The following GPM6B variants were observed in gnomAD, a reference collection of about 807,000 sequenced individuals.
The protein encoded by GPM6B is neuronal membrane glycoprotein M6-b.
GPM6B carries 4 observed loss-of-function variants against 27.2 expected under a neutral mutation model. The observed-to-expected ratio is 0.15, with a 90% CI of 0.07 to 0.34. The LOEUF is 0.34. Ranked by LOEUF, GPM6B falls within the 10% of genes least tolerant of loss-of-function variation. GPM6B has a pLI of 1.00. For missense variants in GPM6B, 183 were observed against 261.9 expected (o/e 0.70, Z 2.08); for synonymous variants, 124 against 103.1 (o/e 1.20, Z -1.23).
chrX:13,935,605 T>C (rs1011456949), intron 1 of GPM6B, among the ~76,000 whole-genome samples: 15 of 111,923 alleles, frequency 1.3e-4, no homozygotes, highest in African/African-American at 4.3e-4. Context: ...TTAAAGCAGC[T>C]TGGATATTCC....
At chrX:13,901,192 C>T (rs2050279029) in intron 1 of GPM6B, among the ~76,000 whole-genome samples, 1 of 111,737 alleles carries the variant, frequency 8.9e-6, no homozygotes, top group South Asian at 3.8e-4. Context: ...GAATTGGAAA[C>T]ATCCACTACT....
intron 1 of GPM6B, among the ~76,000 whole-genome samples, chrX:13,886,112 C>T (rs1356392712): frequency 8.9e-6 from 1 of 112,173 alleles, no homozygotes; most frequent in Non-Finnish European, 1.9e-5. Flanking sequence ...TCTACAACAC[C>T]TAAGCATAAA....
At chrX:13,841,132 T>C in intron 1 of GPM6B, among the ~76,000 whole-genome samples, 1 of 112,243 alleles carries the variant, frequency 8.9e-6, no homozygotes, top group East Asian at 2.8e-4. Context: ...ATACATAACA[T>C]ATACATATGT....
chrX:13,877,824 C>CAAAAAAAAAAAA (rs761891419), intron 1 of GPM6B, among the ~76,000 whole-genome samples: 432 of 27,462 alleles, frequency 0.016, 60 homozygotes, highest in Admixed American at 0.036. Flanking sequence ...CAGACTCTGC[C>CAAAAAAAAAAAA]AAAAAAAAAA....
chrX:13,899,123 C>T (rs1406728681), intron 1 of GPM6B, among the ~76,000 whole-genome samples: 1 of 110,525 alleles, frequency 9.0e-6, no homozygotes, highest in Non-Finnish European at 1.9e-5. Context: ...GTTAAGACTG[C>T]ATAGGGGCTG....
In GPM6B at chrX:13,797,231, T is replaced by A. The variant is rs188528295; in HGVS notation, c.181+10419A>T. Among the ~76,000 whole-genome samples, 10 of 111,427 alleles carry A rather than the reference T, an allele frequency of 9.0e-5. No individual in the cohort carries two copies. The East Asian group carries it at 2.8e-3, about 32-fold the overall frequency. ...TGCAAGTGTGCCCTCCTGGCTTTGA[T>A]CCTTGTGGGTGGGGTGAGGGGGGCG... On this transcript the variant is annotated intron_variant, in intron 2 of 7. Coordinates refer to ENST00000316715, the MANE Select transcript of GPM6B (RefSeq NM_001001995.3).
upstream of GPM6B, among the ~76,000 whole-genome samples, chrX:13,819,875 T>C (rs2080274369): frequency 9.0e-6 from 1 of 111,609 alleles, no homozygotes; most frequent in African/African-American, 3.3e-5. Context: ...ATTGCAGTAA[T>C]GCTTAGAAAC....
At chrX:13,827,429 T>A (rs1254067971) in intron 1 of GPM6B, among the ~76,000 whole-genome samples, 2 of 109,882 alleles carry the variant, frequency 1.8e-5, no homozygotes, top group East Asian at 5.7e-4. Flanking sequence ...ATTACAGGTG[T>A]GACCACGCCC....
At chrX:13,836,212 T>C (rs1029226003) in intron 1 of GPM6B, among the ~76,000 whole-genome samples, 4 of 111,893 alleles carry the variant, frequency 3.6e-5, no homozygotes, top group Non-Finnish European at 7.5e-5. Context: ...ATGATATCCT[T>C]GATCTGCTAC....
chrX:13,855,088 G>C, intron 1 of GPM6B, among the ~76,000 whole-genome samples: 1 of 109,346 alleles, frequency 9.1e-6, no homozygotes, highest in Non-Finnish European at 1.9e-5. Context: ...GTGCGATCTC[G>C]GTTCACTGCA....
chrX:13,866,708 A>G (rs936900683), intron 1 of GPM6B, among the ~76,000 whole-genome samples: 25 of 111,745 alleles, frequency 2.2e-4, no homozygotes, highest in Admixed American at 1.5e-3. Context: ...GGAAGAGTAG[A>G]CGAAAAAAAT....
chrX:13,842,247 T>C (rs1349706170), intron 1 of GPM6B, among the ~76,000 whole-genome samples: 1 of 112,277 alleles, frequency 8.9e-6, no homozygotes, highest in African/African-American at 3.2e-5. Context: ...CTGCAATGGC[T>C]ATGACCTTTG....
intron 1 of GPM6B, among the ~76,000 whole-genome samples, chrX:13,823,509 C>T (rs193137353): frequency 1.2e-3 from 121 of 99,131 alleles, no homozygotes; most frequent in African/African-American, 4.4e-3. Context: ...AAAAACATTC[C>T]ACTGAACCTG....
upstream of GPM6B, among the ~76,000 whole-genome samples, chrX:13,820,028 A>ATG (rs747712090): frequency 6.8e-3 from 761 of 111,914 alleles, 5 homozygotes; most frequent in South Asian, 0.012. Flanking sequence ...CTGAAGGGAG[A>ATG]TGGCTGAGCC....
chrX:13,914,085 C>T (rs1224904050), intron 1 of GPM6B, among the ~76,000 whole-genome samples: 1 of 111,500 alleles, frequency 9.0e-6, no homozygotes, highest in Non-Finnish European at 1.9e-5. Context: ...ATACCATAAG[C>T]TACATGGGTC....
chrX:13,798,651 A>T (rs1487387421), intron 2 of GPM6B, among the ~76,000 whole-genome samples: 1 of 112,837 alleles, frequency 8.9e-6, no homozygotes, highest in African/African-American at 3.2e-5. Context: ...TTCCAGACTT[A>T]TCAAGCTATC....
At chrX:13,865,803 TC>T (rs780362946) in intron 1 of GPM6B, among the ~76,000 whole-genome samples, 1 of 108,670 alleles carries the variant, frequency 9.2e-6, no homozygotes, top group South Asian at 4.0e-4. Flanking sequence ...AACCCCATTC[TC>T]TTCTGCACTT....
At chrX:13,791,897 C>A (rs1043757072) in intron 2 of GPM6B, among the ~76,000 whole-genome samples, 2 of 110,653 alleles carry the variant, frequency 1.8e-5, no homozygotes, top group Non-Finnish European at 3.8e-5. Flanking sequence ...TACACACACA[C>A]ACACACCCTC....
intron 5 of GPM6B, 131 bp from the exon 6 acceptor site, chrX:13,777,556 G>A: frequency 2.1e-6 from 1 of 480,108 alleles, no homozygotes. Context: ...TGATGGATCT[G>A]CTGTCTGCAG....
Sources: gnomAD v4.1 joint callset for allele counts (sites outside exome capture counted in the v4.1 genomes callset) on GRCh38, gnomAD v4.1.1 for gene constraint, MANE v1.5 for transcripts, NCBI Gene and HGNC (gene_info 2026-07-23, HGNC 2026-07-21) for gene names.